Variants in ZNF862 observed in about 807,000 individuals in gnomAD.
ZNF862 encodes the protein zinc finger protein 862.
Under a neutral mutation model 91.1 loss-of-function variants are expected in ZNF862, and 64 were observed. That is an observed-to-expected ratio of 0.70 (90% CI 0.57 to 0.87). The LOEUF (loss-of-function observed/expected upper bound fraction) is 0.87. ZNF862 is among the 40% of genes least tolerant of loss of function. The pLI, the probability that ZNF862 is intolerant of heterozygous loss-of-function variation, is 0.00. For synonymous variants in ZNF862, 631 were observed against 618.1 expected (o/e 1.02, Z -0.31); for missense variants, 1,459 against 1,528.0 (o/e 0.95, Z 0.75).
chr7:149,860,054 A>AT (rs973286660), intron 6 of ZNF862: 197 of 356,856 alleles, frequency 5.5e-4, no homozygotes, highest in African/African-American at 3.9e-3. Context: ...CCACCTGCTT[A>AT]TCCAACAGTC....
chr7:149,851,608 T>C (rs1802070666), intron 5 of ZNF862: 1 of 152,238 alleles, frequency 6.6e-6, no homozygotes, highest in Non-Finnish European at 1.5e-5. Context: ...CCCCGGGCGA[T>C]TGTGAAGGTA....
At chr7:149,862,718 T>C (rs10282470) in intron 7 of ZNF862, among the ~76,000 whole-genome samples, 8,711 of 152,298 alleles carry the variant, frequency 0.057, 840 homozygotes, top group African/African-American at 0.2. Flanking sequence ...GAGCGTGCAT[T>C]TCTAGAGCCT....
rs1352557948 is a variant in ZNF862 at position 149,850,259 on chromosome 7, G to A, written c.1038G>A (p.Glu346=). ...EDVAVYFTRE[E]WGMLDKRQKE... ...TGGCAGTGTATTTCACCCGGGAGGA[G>A]TGGGGCATGCTAGACAAGCGGCAGA... Residue 346 remains glutamate, a synonymous_variant, in exon 5 of 8, where the codon GAG becomes GAA. Transcript: ENST00000223210. This position sits in a 1 kb window ranked among gnomAD's most constrained non-coding sequence, Gnocchi z 4.2. 3 of 1,613,672 alleles carry A rather than the reference G, an allele frequency of 1.9e-6. No homozygotes were observed. Among genetic ancestry groups the A allele is most frequent in the Admixed American group, 1.7e-5 (1 of 59,936 alleles).
Position 149,861,771 on chromosome 7 carries a change from A to G in ZNF862, c.2611A>G (p.Thr871Ala), listed in dbSNP as rs955354342. ...EIVLITEVNA[T>A]LGRAYVALES... ...CGTGCTGATTACAGAGGTGAACGCCACGCTGGGCCGCGCCTACGTGGCACT... is the reference window on the plus strand; with the variant it reads ...CGTGCTGATTACAGAGGTGAACGCCGCGCTGGGCCGCGCCTACGTGGCACT... The change falls in exon 7 of 8, where the codon ACG becomes GCG. Residue 871 changes from threonine to alanine, a missense_variant. Transcript: ENST00000223210. This position sits in a 1 kb window ranked among gnomAD's most constrained non-coding sequence, Gnocchi z 6.7. 9.3e-6 allele frequency: 15 copies of G among 1,613,650 alleles called. No homozygotes were observed. The Middle Eastern group carries it at 1.6e-3, about 177-fold the overall frequency.
intron 1 of ZNF862, among the ~76,000 whole-genome samples, chr7:149,842,872 T>C (rs1458931813): frequency 6.6e-6 from 1 of 152,228 alleles, no homozygotes; most frequent in Non-Finnish European, 1.5e-5. Context: ...GTTTGACCAC[T>C]TTCTTTGAGT....
rs150303223 is a variant in ZNF862 at position 149,841,383 on chromosome 7, G to T, written c.24+2748G>T. The T allele has an allele frequency of 5.1e-4, 499 of 985,404 alleles. 4 individuals carry two copies. The African/African-American group carries it at 7.9e-3, about 16-fold the overall frequency. The allele number at this position is 985,404 out of a possible 1,614,324, so 61.0% of individuals were successfully genotyped here. A position where few individuals can be genotyped will look rare whatever the true frequency, so the allele number is the denominator to read the frequency against. On this transcript the variant is annotated intron_variant, in intron 1 of 7. Transcript: ENST00000223210. ...CTGTCATTGACAGAATAATGGATAA[G>T]GGTCAGACTTTTCCCCATCATGTTC...
chr7:149,861,980 A>T lies in ZNF862; in HGVS notation c.2820A>T (p.Arg940=). The change falls in exon 7 of 8, where the codon CGA becomes CGT. Residue 940 remains arginine (R), a synonymous_variant. Transcript: ENST00000223210. This position sits in a 1 kb window ranked among gnomAD's most constrained non-coding sequence, Gnocchi z 6.7. ...EYLQQRFDAD[R]PPQLKNMEVF... ...TCCAGCAGAGGTTTGACGCAGACCG[A>T]CCCCCACAGCTGAAGAACATGGAGG... The T allele has an allele frequency of 6.2e-7, 1 of 1,613,174 alleles. No homozygotes were observed. The highest frequency in any genetic ancestry group is 2.2e-5 in the East Asian group (1 of 44,812).
chr7:149,862,252 G>T lies in ZNF862; in HGVS notation c.3092G>T (p.Cys1031Phe). The change falls in exon 7 of 8, where the codon TGT (cysteine) becomes TTT (phenylalanine). Residue 1031 changes from cysteine to phenylalanine, a missense_variant. Physicochemically the swap from Cys to Phe is radical, Grantham distance 205 (BLOSUM62 -2). Coordinates refer to ENST00000223210, the MANE Select transcript of ZNF862 (RefSeq NM_001099220.3). ...AGCAAGCTCATGGCCGTGGTGGTCT[G>T]TGTGCCCATCTCCACCTCTTGCTGT... ...LLSKLMAVVVCVPISTSCCER... is the reference protein window; with the variant it reads ...LLSKLMAVVVFVPISTSCCER... 6.2e-7 allele frequency: 1 copy of T among 1,613,808 alleles called. No individual in the cohort carries two copies. Among genetic ancestry groups the T allele is most frequent in the Non-Finnish European group, 8.5e-7 (1 of 1,179,876 alleles).
At position 149,859,560 on chromosome 7, in the gene ZNF862, G is replaced by A. The variant is rs367852649; in HGVS notation, c.1222+34G>A. On this transcript the variant is annotated intron_variant, in intron 6 of 7. Coordinates refer to ENST00000223210, the MANE Select transcript of ZNF862 (RefSeq NM_001099220.3). ...AAACCTACAGCATTCTGAAGGACAT[G>A]TGCCAGGGCCCAGGCGGCTATGATG... 2.1e-5 allele frequency: 32 copies of A among 1,510,808 alleles called. No homozygotes were observed. The African/African-American group carries it at 4.3e-4, about 20-fold the overall frequency. 93.6% of individuals were successfully genotyped at this position (1,510,808 alleles called of 1,614,324 possible). A position where few individuals can be genotyped will look rare whatever the true frequency, so the allele number is the denominator to read the frequency against.
At chr7:149,843,599 G>C (rs1801775488) in intron 1 of ZNF862, among the ~76,000 whole-genome samples, 1 of 152,002 alleles carries the variant, frequency 6.6e-6, no homozygotes, top group Non-Finnish European at 1.5e-5. Flanking sequence ...GGTCTCTATA[G>C]TCCCTGTTAG....
Position 149,855,702 on chromosome 7 carries a change from A to G in ZNF862, c.1118-3720A>G, listed in dbSNP as rs1449489232. Reference sequence around the variant, plus strand: ...AGCCTGTCTATATAGGCGCCTTCACAGGGGAGTATCACACTGGTAGCCAAC... The same window carrying G: ...AGCCTGTCTATATAGGCGCCTTCACGGGGGAGTATCACACTGGTAGCCAAC... On this transcript the variant is annotated intron_variant, in intron 5 of 7. Transcript: ENST00000223210. This position sits in a 1 kb window ranked among gnomAD's most constrained non-coding sequence, Gnocchi z 4.1. Among the ~76,000 whole-genome samples the G allele has an allele frequency of 6.6e-6, 1 of 152,166 alleles. No individual in the cohort carries two copies. Among genetic ancestry groups the G allele is most frequent in the Non-Finnish European group, 1.5e-5 (1 of 68,024 alleles).
At chr7:149,844,506 A>G (rs535195519) in intron 1 of ZNF862, 119 bp from the exon 2 acceptor site, 34 of 648,154 alleles carry the variant, frequency 5.2e-5, no homozygotes, top group Non-Finnish European at 8.6e-5. Context: ...GGTGTGGGCC[A>G]TGCATGTAAA....
intron 7 of ZNF862, 100 bp downstream of exon 7, chr7:149,862,594 C>CT: frequency 7.6e-7 from 1 of 1,323,276 alleles, no homozygotes; most frequent in Non-Finnish European, 1.0e-6. Flanking sequence ...GTCATGCACC[C>CT]ACCCATTTGC....
At position 149,867,354 on chromosome 7, in the gene ZNF862, T is replaced by C. The variant is rs1802770676; in HGVS notation, c.*3070T>C. 6.6e-6 allele frequency: 1 copy of C among 152,136 alleles called. No individual in the cohort carries two copies. Among genetic ancestry groups the C allele is most frequent in the East Asian group, 1.9e-4 (1 of 5,188 alleles). 9.4% of individuals were successfully genotyped at this position (152,136 alleles called of 1,614,324 possible). The stretch of plus-strand genomic sequence containing the variant: ...TCATACAGGTGTGTGCTTAGCCAAA[T>C]ACAGTAACTGTGACTGGCCCAGGGA... On this transcript the variant is annotated 3_prime_UTR_variant, in exon 8 of 8. Transcript: ENST00000223210.
rs554438825 is a variant in ZNF862 at position 149,844,231 on chromosome 7, C to T, written c.25-394C>T. Among the ~76,000 whole-genome samples the T allele has an allele frequency of 2.0e-5, 3 of 152,274 alleles. No individual in the cohort carries two copies. The South Asian group carries it at 6.2e-4, about 32-fold the overall frequency. On this transcript the variant is annotated intron_variant, in intron 1 of 7. Transcript: ENST00000223210. ...AGACATAGTTCTAAATGACTTTCAG[C>T]TATTTCTAGAAATTAGACACATCTT...
At chr7:149,859,202 A>G (rs1268146811) in intron 5 of ZNF862, 11 of 586,326 alleles carry the variant, frequency 1.9e-5, no homozygotes, top group Non-Finnish European at 3.1e-5. Flanking sequence ...TGGCTGGCCC[A>G]TGGATCTGAG....
In ZNF862 at chr7:149,864,426, C is replaced by A; in HGVS notation, c.*142C>A. The A allele has an allele frequency of 1.2e-6, 1 of 829,886 alleles. No individual in the cohort carries two copies. Among genetic ancestry groups the A allele is most frequent in the Non-Finnish European group, 1.8e-6 (1 of 544,492 alleles). The allele number at this position is 829,886 out of a possible 1,614,324, so 51.4% of individuals were successfully genotyped here. ...GGAAGTGGGCAGTGGCATCCCAGAG[C>A]AGCAGGGGTATCAGGAGGTGCATGA... On this transcript the variant is annotated 3_prime_UTR_variant, in exon 8 of 8. Transcript: ENST00000223210.
In ZNF862 at chr7:149,866,920, T is replaced by G. The variant is rs1802751405; in HGVS notation, c.*2636T>G. 1 of 152,072 alleles carries G rather than the reference T, an allele frequency of 6.6e-6. No homozygotes were observed. Among genetic ancestry groups the G allele is most frequent in the South Asian group, 2.1e-4 (1 of 4,812 alleles). 9.4% of individuals were successfully genotyped at this position (152,072 alleles called of 1,614,324 possible). ...TCAGCCCCTAGTGCTGGAGACCCCCTTGTTGGAGAGGCTTCCTGTTTATGC... is the reference window on the plus strand; with the variant it reads ...TCAGCCCCTAGTGCTGGAGACCCCCGTGTTGGAGAGGCTTCCTGTTTATGC... On this transcript the variant is annotated 3_prime_UTR_variant, in exon 8 of 8. Coordinates refer to ENST00000223210, the MANE Select transcript of ZNF862 (RefSeq NM_001099220.3).
intron 6 of ZNF862, chr7:149,859,751 G>GGA: frequency 1.9e-6 from 1 of 522,284 alleles, no homozygotes; most frequent in Admixed American, 3.6e-5. Flanking sequence ...GTAAGCAGAA[G>GGA]TACTGATGGA....
Sources: gnomAD v4.1 joint callset for allele counts (sites outside exome capture counted in the v4.1 genomes callset) on GRCh38, gnomAD v4.1.1 for gene constraint, Gnocchi (gnomAD v3.1) non-coding constraint, MANE v1.5 for transcripts, NCBI Gene and HGNC (gene_info 2026-07-23, HGNC 2026-07-21) for gene names.